The following GABRG3 variants were observed in gnomAD, a reference collection of about 807,000 sequenced individuals.
GABRG3 encodes the protein gamma-aminobutyric acid receptor subunit gamma-3.
A neutral mutation model predicts 48.8 loss-of-function variants in GABRG3; 25 were observed. The ratio of observed to expected loss-of-function variants is 0.51; its 90% confidence interval spans 0.37 to 0.72. The LOEUF is 0.72. GABRG3 is among the 30% of genes least tolerant of loss of function. The pLI is 0.00. For synonymous variants in GABRG3, 227 were observed against 217.6 expected, an observed-to-expected ratio of 1.04 and a Z score of -0.38; for missense variants, 394 against 577.9, an observed-to-expected ratio of 0.68 and a Z score of 3.26.
In GABRG3 at chr15:27,170,937, A is replaced by C. The variant is rs1887546581; in HGVS notation, c.270+144116A>C. 2.0e-5 allele frequency among the ~76,000 whole-genome samples: 3 copies of C among 152,232 alleles called. 1 individual carries two copies. The South Asian group carries it at 6.2e-4, about 32-fold the overall frequency. On this transcript the variant is annotated intron_variant, in intron 3 of 9. Transcript: ENST00000615808. ...TCATCTCAAGCAATTTTCAAATTGA[A>C]AATATATAATTACTACTTTCAAGTC...
chr15:27,382,029 A>C (rs1303830490), intron 5 of GABRG3, among the ~76,000 whole-genome samples: 1 of 152,182 alleles, frequency 6.6e-6, no homozygotes, highest in Non-Finnish European at 1.5e-5. Context: ...TGTAGTTATT[A>C]TTATTGCTTC....
chr15:27,304,012 GA>G (rs1264538748), intron 3 of GABRG3, among the ~76,000 whole-genome samples: 1 of 151,756 alleles, frequency 6.6e-6, no homozygotes, highest in East Asian at 1.9e-4. Flanking sequence ...AATTTAAACA[GA>G]AAAAACATTT....
chr15:27,360,347 G>A (rs114137851), intron 5 of GABRG3, among the ~76,000 whole-genome samples: 3 of 152,278 alleles, frequency 2.0e-5, no homozygotes, highest in South Asian at 2.1e-4. Flanking sequence ...CCGCGACCCC[G>A]GCCTGTGTTG....
intron 6 of GABRG3, among the ~76,000 whole-genome samples, chr15:27,484,994 A>G (rs1328256650): frequency 6.6e-6 from 1 of 152,228 alleles, no homozygotes; most frequent in Admixed American, 6.5e-5. Flanking sequence ...TTATTCCCTC[A>G]AGGAGGTAGG....
chr15:27,234,352 G>A (rs1889892310), intron 3 of GABRG3, among the ~76,000 whole-genome samples: 1 of 152,160 alleles, frequency 6.6e-6, no homozygotes, highest in South Asian at 2.1e-4. Flanking sequence ...TCTCAGCCCT[G>A]CTGTGTGTTT....
chr15:27,273,765 C>T (rs781207541), intron 3 of GABRG3, among the ~76,000 whole-genome samples: 11 of 152,150 alleles, frequency 7.2e-5, no homozygotes, highest in East Asian at 1.9e-4. Flanking sequence ...AACATTTTCC[C>T]GAGTATAATC....
intron 6 of GABRG3, among the ~76,000 whole-genome samples, chr15:27,483,809 T>C (rs1329197882): frequency 6.6e-6 from 1 of 152,240 alleles, no homozygotes; most frequent in South Asian, 2.1e-4. Flanking sequence ...TTTGTCATGT[T>C]ACTGATGGTC....
At chr15:27,451,232 C>T (rs533525253) in intron 5 of GABRG3, among the ~76,000 whole-genome samples, 4 of 152,082 alleles carry the variant, frequency 2.6e-5, no homozygotes, top group South Asian at 2.1e-4. Context: ...ATATCCAGAA[C>T]AATTCTCATA....
chr15:27,346,410 C>T (rs188636006), intron 5 of GABRG3, among the ~76,000 whole-genome samples: 76 of 152,214 alleles, frequency 5.0e-4, no homozygotes, highest in Middle Eastern at 3.4e-3. Flanking sequence ...CTTTTAATTG[C>T]ATTTTACATT....
chr15:26,972,809 C>T (rs1245353157), intron 1 of GABRG3, among the ~76,000 whole-genome samples: 1 of 152,146 alleles, frequency 6.6e-6, no homozygotes, highest in Non-Finnish European at 1.5e-5. Flanking sequence ...AGGAAGGAAG[C>T]CCTGGCCCTC....
At chr15:27,434,983 C>T (rs1888565898) in intron 5 of GABRG3, among the ~76,000 whole-genome samples, 1 of 152,106 alleles carries the variant, frequency 6.6e-6, no homozygotes. Context: ...AGCCCTGATA[C>T]CCCAGCTGTT....
chr15:27,478,396 T>C (rs781507892), intron 5 of GABRG3, among the ~76,000 whole-genome samples: 11 of 152,152 alleles, frequency 7.2e-5, no homozygotes, highest in Non-Finnish European at 2.9e-5. Context: ...AACAAAAGCA[T>C]GAGAATATGC....
chr15:27,067,166 A>G lies in GABRG3; in HGVS notation c.270+40345A>G, dbSNP rs530191981. 4.1e-4 allele frequency among the ~76,000 whole-genome samples: 63 copies of G among 152,232 alleles called. 1 individual carries two copies. The Middle Eastern group carries it at 0.02, about 49-fold the overall frequency. On this transcript the variant is annotated intron_variant, in intron 3 of 9. Coordinates refer to ENST00000615808, the MANE Select transcript of GABRG3 (RefSeq NM_033223.5). ...TCGTGTAATGTTCTCCCGTCCCTCC[A>G]GTGGGAGCATCTGGGGCTGGTGAAG...
At chr15:27,255,662 G>A (rs1213624786) in intron 3 of GABRG3, among the ~76,000 whole-genome samples, 1 of 152,040 alleles carries the variant, frequency 6.6e-6, no homozygotes, top group African/African-American at 2.4e-5. Flanking sequence ...TCAGCTCCAG[G>A]AAGCACCTTA....
intron 3 of GABRG3, among the ~76,000 whole-genome samples, chr15:27,090,365 G>A (rs920922096): frequency 6.6e-6 from 1 of 152,170 alleles, no homozygotes; most frequent in African/African-American, 2.4e-5. Context: ...TGGGTTATCC[G>A]TAGGTAACCC....
chr15:27,021,679 A>C (rs542170966), intron 2 of GABRG3, among the ~76,000 whole-genome samples: 153 of 152,060 alleles, frequency 1.0e-3, no homozygotes, highest in African/African-American at 3.4e-3. Context: ...TATTTCTACA[A>C]AAAAAATTAA....
At chr15:27,463,168 CAT>C (rs1416179540) in intron 5 of GABRG3, among the ~76,000 whole-genome samples, 2 of 151,946 alleles carry the variant, frequency 1.3e-5, no homozygotes, top group African/African-American at 2.4e-5. Flanking sequence ...GAATTACAAA[CAT>C]TGTATAAAAA....
intron 2 of GABRG3, among the ~76,000 whole-genome samples, chr15:26,978,817 C>A (rs912996598): frequency 6.6e-6 from 1 of 152,134 alleles, no homozygotes; most frequent in Non-Finnish European, 1.5e-5. Context: ...TCTAATAGTT[C>A]GTATGCTTTT....
At chr15:27,308,683 G>C (rs35537463) in intron 3 of GABRG3, among the ~76,000 whole-genome samples, 1 of 148,132 alleles carries the variant, frequency 6.8e-6, no homozygotes, top group Non-Finnish European at 1.5e-5. Context: ...ATACGCTTAT[G>C]TATAAACATA....
Sources: gnomAD v4.1 joint callset for allele counts (sites outside exome capture counted in the v4.1 genomes callset) on GRCh38, gnomAD v4.1.1 for gene constraint, MANE v1.5 for transcripts, NCBI Gene and HGNC (gene_info 2026-07-23, HGNC 2026-07-21) for gene names.